MACROD2: variants seen among roughly 807,000 people sequenced by gnomAD.
MACROD2 encodes ADP-ribose glycohydrolase MACROD2.
MACROD2 carries 36 observed loss-of-function variants against 70.4 expected under a neutral mutation model. That is an observed-to-expected ratio of 0.51 (90% confidence interval 0.39 to 0.68). The LOEUF (loss-of-function observed/expected upper bound fraction) is 0.68. Ranked by LOEUF, MACROD2 falls within the 30% of genes least tolerant of loss-of-function variation. The pLI is 0.00. For synonymous variants in MACROD2, 172 were observed against 178.8 expected (o/e 0.96, Z 0.30); for missense variants, 496 against 538.4 (o/e 0.92, Z 0.78).
chr20:14,624,567 GA>G (rs1984022424), intron 4 of MACROD2, among the ~76,000 whole-genome samples: 1 of 152,292 alleles, frequency 6.6e-6, no homozygotes, highest in African/African-American at 2.4e-5. Context: ...TGCACCTTTG[GA>G]AAAATAACTT....
At chr20:14,016,937 G>T (rs1465098847) in intron 2 of MACROD2, among the ~76,000 whole-genome samples, 2 of 152,034 alleles carry the variant, frequency 1.3e-5, no homozygotes, top group East Asian at 3.9e-4. Context: ...ATTTTGGGTA[G>T]TGTTGTCATC....
chr20:15,054,856 T>C (rs1228382707), intron 5 of MACROD2, among the ~76,000 whole-genome samples: 1 of 151,930 alleles, frequency 6.6e-6, no homozygotes, highest in Non-Finnish European at 1.5e-5. Context: ...TGATCTCCGC[T>C]CACTGCAACC....
chr20:15,003,032 T>G (rs2075008053), intron 5 of MACROD2, among the ~76,000 whole-genome samples: 1 of 152,218 alleles, frequency 6.6e-6, no homozygotes. Flanking sequence ...TTGCTAACAG[T>G]AATTTTCTAT....
In MACROD2 at chr20:15,729,564, G is replaced by T. The variant is rs78122574; in HGVS notation, c.646-133181G>T. ...AAGAACTTGCTTTATGAATCTGGAT[G>T]ACCCTGTGTTGAGTGCATATATATT... On this transcript the variant is annotated intron_variant, in intron 8 of 17. Coordinates refer to ENST00000684519, the MANE Select transcript of MACROD2 (RefSeq NM_001351661.2). Among the ~76,000 whole-genome samples the T allele has an allele frequency of 3.7e-3, 569 of 152,258 alleles. 4 individuals carry two copies. The highest frequency in any genetic ancestry group is 0.013 in the African/African-American group (539 of 41,564).
chr20:15,242,557 T>C (rs900027746), intron 6 of MACROD2, among the ~76,000 whole-genome samples: 3 of 152,216 alleles, frequency 2.0e-5, no homozygotes, highest in African/African-American at 7.2e-5. Context: ...GTGTTATCTC[T>C]TCTTCTATTT....
At chr20:14,541,044 T>A (rs2085425703) in intron 4 of MACROD2, among the ~76,000 whole-genome samples, 1 of 152,194 alleles carries the variant, frequency 6.6e-6, no homozygotes, top group African/African-American at 2.4e-5. Context: ...CTGCAAAAAG[T>A]ATACATCAAA....
At chr20:14,333,965 G>A (rs1406885226) in intron 3 of MACROD2, among the ~76,000 whole-genome samples, 3 of 152,174 alleles carry the variant, frequency 2.0e-5, no homozygotes, top group African/African-American at 7.2e-5. Context: ...AAAGAATAAA[G>A]AACAAAAGCT....
chr20:15,844,043 C>G lies in MACROD2; in HGVS notation c.646-18702C>G, dbSNP rs1158260440. On this transcript the variant is annotated intron_variant, in intron 8 of 17. Coordinates refer to ENST00000684519, the MANE Select transcript of MACROD2 (RefSeq NM_001351661.2). ...TGTAGTATTCTCTCTTGCCAAACAT[C>G]TAGCATGCCTGCACATATATGAGTA... 1.3e-5 allele frequency among the ~76,000 whole-genome samples: 2 copies of G among 151,826 alleles called. 1 individual carries two copies. The highest frequency in any genetic ancestry group is 2.9e-5 in the Non-Finnish European group (2 of 67,970).
intron 8 of MACROD2, among the ~76,000 whole-genome samples, chr20:15,650,443 T>G (rs1002278277): frequency 2.0e-5 from 3 of 152,236 alleles, no homozygotes; most frequent in African/African-American, 4.8e-5. Context: ...ACACTTTTGT[T>G]ATCTTCTTTA....
chr20:14,043,328 G>T (rs2053421139), intron 2 of MACROD2, among the ~76,000 whole-genome samples: 1 of 152,150 alleles, frequency 6.6e-6, no homozygotes, highest in Admixed American at 6.5e-5. Flanking sequence ...AGAACACAGG[G>T]ATACACATTT....
At chr20:15,980,640 T>C (rs1383100285) in intron 13 of MACROD2, among the ~76,000 whole-genome samples, 1 of 152,204 alleles carries the variant, frequency 6.6e-6, no homozygotes, top group Non-Finnish European at 1.5e-5. Context: ...GTTGAATCTG[T>C]GCTACACTTG....
intron 6 of MACROD2, among the ~76,000 whole-genome samples, chr20:15,402,027 A>G (rs1158244055): frequency 6.6e-6 from 1 of 152,222 alleles, no homozygotes; most frequent in African/African-American, 2.4e-5. Context: ...ACATTTTCCA[A>G]GCTGTGCTTC....
At chr20:15,144,058 G>A (rs750492683) in intron 5 of MACROD2, among the ~76,000 whole-genome samples, 11 of 150,978 alleles carry the variant, frequency 7.3e-5, no homozygotes, top group Non-Finnish European at 1.3e-4. Flanking sequence ...GTCGTGGGCC[G>A]CGGGTTGGAC....
intron 14 of MACROD2, 91 bp from the exon 15 acceptor site, chr20:15,986,972 AAAG>A: frequency 1.6e-6 from 2 of 1,249,924 alleles, no homozygotes; most frequent in South Asian, 2.7e-5. Flanking sequence ...AAGGGGGAAA[AAAG>A]AACTCTAACT....
chr20:15,899,338 C>A (rs942630244), intron 10 of MACROD2, among the ~76,000 whole-genome samples: 1 of 151,766 alleles, frequency 6.6e-6, no homozygotes, highest in African/African-American at 2.4e-5. Flanking sequence ...ACATGTATAT[C>A]TATACACATA....
chr20:14,613,121 A>G (rs1389661870), intron 4 of MACROD2, among the ~76,000 whole-genome samples: 1 of 152,122 alleles, frequency 6.6e-6, no homozygotes, highest in East Asian at 1.9e-4. Flanking sequence ...TAGGGTATTA[A>G]AAACAGGGGT....
intron 8 of MACROD2, among the ~76,000 whole-genome samples, chr20:15,825,992 G>C (rs976605252): frequency 6.6e-6 from 1 of 152,088 alleles, no homozygotes; most frequent in Non-Finnish European, 1.5e-5. Context: ...CTCATCCAGG[G>C]CCATCCTGAA....
chr20:15,440,763 CA>C (rs1290710563), intron 7 of MACROD2, among the ~76,000 whole-genome samples: 1 of 152,126 alleles, frequency 6.6e-6, no homozygotes, highest in African/African-American at 2.4e-5. Flanking sequence ...CAAAATTATG[CA>C]CCCCTTCCTT....
At chr20:15,024,844 C>T (rs1219858696) in intron 5 of MACROD2, among the ~76,000 whole-genome samples, 3 of 152,236 alleles carry the variant, frequency 2.0e-5, no homozygotes, top group African/African-American at 7.2e-5. Context: ...TGATTTCCAT[C>T]GATCAAGAGA....
Sources: allele counts gnomAD v4.1 joint callset (sites outside exome capture counted in the v4.1 genomes callset), GRCh38; gene constraint gnomAD v4.1.1; transcripts MANE v1.5; gene names NCBI Gene and HGNC (gene_info 2026-07-23, HGNC 2026-07-21).